The following HDAC1 variants were observed in gnomAD, a reference collection of about 807,000 sequenced individuals.
The protein encoded by HDAC1 is histone deacetylase 1.
HDAC1 carries 18 observed loss-of-function variants against 65.5 expected under a neutral mutation model. That is an observed-to-expected ratio of 0.27 (90% CI 0.19 to 0.41). The LOEUF is 0.41. HDAC1 is among the 10% of genes least tolerant of loss of function. The probability of loss-of-function intolerance (pLI) is 1.00; values close to 1 mark genes in which losing one functional copy is unlikely to be tolerated. For synonymous variants in HDAC1, 211 were observed against 227.9 expected (o/e 0.93, Z 0.67); for missense variants, 373 against 625.2 (o/e 0.60, Z 4.30).
At chr1:32,294,062 C>T (rs1162064734) in intron 1 of HDAC1, among the ~76,000 whole-genome samples, 11 of 146,092 alleles carry the variant, frequency 7.5e-5, no homozygotes, top group Non-Finnish European at 4.5e-5. Context: ...AGCGAGACTT[C>T]GTCTCAAAAA....
intron 13 of HDAC1, 40 bp downstream of exon 13, chr1:32,332,789 G>C: frequency 6.6e-7 from 1 of 1,511,430 alleles, no homozygotes; most frequent in Non-Finnish European, 9.0e-7. Context: ...CCTGGCATTG[G>C]AGCACCAGCC....
intron 1 of HDAC1, among the ~76,000 whole-genome samples, chr1:32,302,269 C>T (rs558539794): frequency 2.6e-5 from 4 of 152,052 alleles, no homozygotes; most frequent in South Asian, 2.1e-4. Flanking sequence ...TTCTGAGTAG[C>T]GATGGTTATT....
At chr1:32,301,723 T>C (rs1023905094) in intron 1 of HDAC1, among the ~76,000 whole-genome samples, 3 of 152,072 alleles carry the variant, frequency 2.0e-5, no homozygotes, top group African/African-American at 7.2e-5. Flanking sequence ...TGAGCTGAGA[T>C]TGCACCACTG....
rs764063005 is a variant in HDAC1 at position 32,320,133 on chromosome 1, T to C, written c.280+3351T>C. ...TACTCGGGAGGCTGAGGCACCAGAA[T>C]GGTGTGAACCCGACAGGCGGAGCTT... On this transcript the variant is annotated intron_variant, in intron 3 of 13. Coordinates refer to ENST00000373548, the MANE Select transcript of HDAC1 (RefSeq NM_004964.3). Among the ~76,000 whole-genome samples the C allele has an allele frequency of 4.5e-4, 68 of 151,356 alleles. 1 individual carries two copies. The highest frequency in any genetic ancestry group is 8.8e-5 in the Non-Finnish European group (6 of 67,882).
At chr1:32,326,857 C>G (rs776882716) in intron 4 of HDAC1, 82 bp from the exon 5 acceptor site, 9 of 1,519,078 alleles carry the variant, frequency 5.9e-6, no homozygotes, top group Non-Finnish European at 8.1e-6. Flanking sequence ...AGGTCTTAAC[C>G]TTTCACTAGG....
At chr1:32,311,150 G>C (rs369011633) in intron 2 of HDAC1, among the ~76,000 whole-genome samples, 1 of 151,980 alleles carries the variant, frequency 6.6e-6, no homozygotes, top group African/African-American at 2.4e-5. Context: ...TGAATGTAGC[G>C]GATGAAAAAA....
Position 32,327,168 on chromosome 1 carries a change from T to C in HDAC1, c.494+91T>C. 7.5e-7 allele frequency: 1 copy of C among 1,326,860 alleles called. No individual in the cohort carries two copies. The highest frequency in any genetic ancestry group is 1.2e-5 in the South Asian group (1 of 80,460). The allele number at this position is 1,326,860 out of a possible 1,614,324, so 82.2% of individuals were successfully genotyped here. On this transcript the variant is annotated intron_variant, in intron 5 of 13. Transcript: ENST00000373548. The surrounding 1 kb of genome is among the most constrained non-coding windows in gnomAD (Gnocchi z 6.0). The stretch of plus-strand genomic sequence containing the variant: ...CTGGGCTTGCCTCCCTAGTTTGCTT[T>C]TCCTACCGATGTGCTGGCTAGGATG...
intron 2 of HDAC1, among the ~76,000 whole-genome samples, chr1:32,307,087 A>G (rs1173357820): frequency 6.6e-6 from 1 of 152,072 alleles, no homozygotes; most frequent in Non-Finnish European, 1.5e-5. Flanking sequence ...CTCTACTAAA[A>G]ATACAAAATT....
At chr1:32,314,598 G>A (rs547766250) in intron 2 of HDAC1, among the ~76,000 whole-genome samples, 58 of 152,034 alleles carry the variant, frequency 3.8e-4, no homozygotes, top group Non-Finnish European at 6.8e-4. Context: ...AGGCCGAGGC[G>A]GGTGGATCAC....
At position 32,327,203 on chromosome 1, in the gene HDAC1, A is replaced by C; in HGVS notation, c.494+126A>C. ...TGTGCTGGCTAGGATGTGCTCGGTG[A>C]GTGTCTCTGGCCATCATCTCCTTGA... On this transcript the variant is annotated intron_variant, in intron 5 of 13. Coordinates refer to ENST00000373548, the MANE Select transcript of HDAC1 (RefSeq NM_004964.3). This position sits in a 1 kb window ranked among gnomAD's most constrained non-coding sequence, Gnocchi z 6.0. 1.1e-6 allele frequency: 1 copy of C among 918,116 alleles called. No individual in the cohort carries two copies. The highest frequency in any genetic ancestry group is 2.5e-5 in the East Asian group (1 of 39,640). The allele number at this position is 918,116 out of a possible 1,614,324, so 56.9% of individuals were successfully genotyped here. A position where few individuals can be genotyped will look rare whatever the true frequency, so the allele number is the denominator to read the frequency against.
At chr1:32,315,831 GGT>G (rs1278596647) in intron 2 of HDAC1, among the ~76,000 whole-genome samples, 1 of 151,252 alleles carries the variant, frequency 6.6e-6, no homozygotes, top group Admixed American at 6.6e-5. Context: ...CCAGCGTCGT[GGT>G]GGGCGCCTGT....
At chr1:32,294,745 A>C (rs1389922298) in intron 1 of HDAC1, among the ~76,000 whole-genome samples, 1 of 146,740 alleles carries the variant, frequency 6.8e-6, no homozygotes, top group African/African-American at 2.5e-5. Context: ...GGATCTCCTG[A>C]CCTCATGATC....
chr1:32,327,107 G>C lies in HDAC1; in HGVS notation c.494+30G>C, dbSNP rs1203800968. 6.2e-7 allele frequency: 1 copy of C among 1,611,910 alleles called. No homozygotes were observed. The highest frequency in any genetic ancestry group is 1.1e-5 in the South Asian group (1 of 91,022). On this transcript the variant is annotated intron_variant, in intron 5 of 13. Coordinates refer to ENST00000373548, the MANE Select transcript of HDAC1 (RefSeq NM_004964.3). The surrounding 1 kb of genome is among the most constrained non-coding windows in gnomAD (Gnocchi z 6.0). ...GCCTGCCTGGCCTTGTCTCTTGGAAGAGCACCTTAGGCCAGGTTCCCATTT... is the reference window on the plus strand; with the variant it reads ...GCCTGCCTGGCCTTGTCTCTTGGAACAGCACCTTAGGCCAGGTTCCCATTT...
chr1:32,317,979 G>A (rs1482529182), intron 3 of HDAC1, among the ~76,000 whole-genome samples: 1 of 151,998 alleles, frequency 6.6e-6, no homozygotes, highest in Non-Finnish European at 1.5e-5. Context: ...TTTTTTTTGA[G>A]ACAGAGTTTC....
chr1:32,300,190 A>G (rs973172778), intron 1 of HDAC1, among the ~76,000 whole-genome samples: 1 of 152,194 alleles, frequency 6.6e-6, no homozygotes, highest in South Asian at 2.1e-4. Context: ...TCTCAATTCA[A>G]TTCATTGAAT....
rs1641273973 is a variant in HDAC1, at chr1:32,330,301, G to A, written c.730-277G>A. 9.8e-6 allele frequency: 4 copies of A among 407,296 alleles called. No homozygotes were observed. The South Asian group carries it at 1.1e-4, about 11-fold the overall frequency. 25.2% of individuals were successfully genotyped at this position (407,296 alleles called of 1,614,324 possible). On this transcript the variant is annotated intron_variant, in intron 7 of 13. Coordinates refer to ENST00000373548, the MANE Select transcript of HDAC1 (RefSeq NM_004964.3). This position sits in a 1 kb window ranked among gnomAD's most constrained non-coding sequence, Gnocchi z 4.2. ...CCTGGAGGAAGTGGCACTAGAGCTTGGGCAACAGAAGAGACTTAGGGAGTT... is the reference window on the plus strand; with the variant it reads ...CCTGGAGGAAGTGGCACTAGAGCTTAGGCAACAGAAGAGACTTAGGGAGTT...
At position 32,333,038 on chromosome 1, in the gene HDAC1, G is replaced by T; in HGVS notation, c.1443G>T (p.Leu481Phe). 6.2e-7 allele frequency: 1 copy of T among 1,613,758 alleles called. No homozygotes were observed. Residue 481 changes from leucine (L) to phenylalanine (F), a missense_variant, in exon 14 of 14, where the codon TTG becomes TTT. Physicochemically the swap from Leu to Phe is conservative, Grantham distance 22. Transcript: ENST00000373548. The stretch of plus-strand genomic sequence containing the variant: ...ACAGGGTCAAGGAGGAGGTCAAGTT[G>T]GCCTGAATGGACCTCTCCAGCTCTG... ...EAKGVKEEVK[L>F]A
Position 32,327,800 on chromosome 1 carries a change from A to C in HDAC1, c.636+123A>C. On this transcript the variant is annotated intron_variant, in intron 6 of 13. Transcript: ENST00000373548. The surrounding 1 kb of genome is among the most constrained non-coding windows in gnomAD (Gnocchi z 6.0). ...CTGCCAATCAGAATACCACATCCCA[A>C]TCTGAAGCACTTGCCCTGATCTCTT... The C allele has an allele frequency of 2.6e-6, 2 of 782,344 alleles. No homozygotes were observed. Among genetic ancestry groups the C allele is most frequent in the Non-Finnish European group, 2.2e-6 (1 of 450,358 alleles). 48.5% of individuals were successfully genotyped at this position (782,344 alleles called of 1,614,324 possible).
chr1:32,326,749 G>GT (rs1204880220), intron 4 of HDAC1, among the ~76,000 whole-genome samples, 190 bp from the exon 5 acceptor site: 6 of 129,554 alleles, frequency 4.6e-5, no homozygotes, highest in South Asian at 2.8e-4. Flanking sequence ...TTGGAAAATC[G>GT]TTTTTTACGA....
Sources: gnomAD v4.1 joint callset for allele counts (sites outside exome capture counted in the v4.1 genomes callset) on GRCh38, gnomAD v4.1.1 for gene constraint, Gnocchi (gnomAD v3.1) non-coding constraint, MANE v1.5 for transcripts, NCBI Gene and HGNC (gene_info 2026-07-23, HGNC 2026-07-21) for gene names.